Variants in MDGA2 observed in about 807,000 individuals in gnomAD.
MDGA2 encodes the protein MAM domain containing glycosylphosphatidylinositol anchor 2, also known as MAM domain-containing glycosylphosphatidylinositol anchor protein 2.
In MDGA2, 40 loss-of-function variants were observed where a neutral mutation model predicts 117.8. The observed-to-expected ratio is 0.34, with a 90% CI of 0.26 to 0.44. MDGA2 has a LOEUF of 0.44. MDGA2 is among the 20% of genes least tolerant of loss of function. The pLI, the probability that MDGA2 is intolerant of heterozygous loss-of-function variation, is 1.00. For missense variants in MDGA2, 1,123 were observed against 1,250.6 expected, an observed-to-expected ratio of 0.90 and a Z score of 1.54; for synonymous variants, 452 against 439.0, an observed-to-expected ratio of 1.03 and a Z score of -0.37.
intron 1 of MDGA2, among the ~76,000 whole-genome samples, chr14:47,649,285 G>T (rs529369313): frequency 6.6e-6 from 1 of 152,082 alleles, no homozygotes; most frequent in African/African-American, 2.4e-5. Flanking sequence ...TTTATCTATA[G>T]ACAAATTTAA....
At chr14:47,446,114 A>C (rs2138559117) in intron 1 of MDGA2, among the ~76,000 whole-genome samples, 1 of 152,234 alleles carries the variant, frequency 6.6e-6, no homozygotes, top group Admixed American at 6.5e-5. Flanking sequence ...CACTTCCTTA[A>C]AAAAATTAAG....
At chr14:47,425,376 TACAA>T (rs758317686) in intron 1 of MDGA2, among the ~76,000 whole-genome samples, 1 of 152,256 alleles carries the variant, frequency 6.6e-6, no homozygotes, top group African/African-American at 2.4e-5. Flanking sequence ...GAGATACATG[TACAA>T]ACAGTTACCT....
intron 1 of MDGA2, among the ~76,000 whole-genome samples, chr14:47,335,745 T>TATATATATATATATATATACAC: frequency 1.0e-5 from 1 of 95,558 alleles, no homozygotes; most frequent in Non-Finnish European, 2.2e-5. Flanking sequence ...TATATATATA[T>TATATATATATATATATATACAC]ATACATACAT....
chr14:47,668,746 C>G (rs1898022145), intron 1 of MDGA2, among the ~76,000 whole-genome samples: 1 of 152,164 alleles, frequency 6.6e-6, no homozygotes, highest in African/African-American at 2.4e-5. Flanking sequence ...CTTTGCATGT[C>G]CTTCCAAAAT....
At chr14:47,196,346 T>A (rs1299297978) in intron 3 of MDGA2, among the ~76,000 whole-genome samples, 1 of 152,080 alleles carries the variant, frequency 6.6e-6, no homozygotes, top group East Asian at 1.9e-4. Flanking sequence ...GATGAAGAAA[T>A]CATTATTTCC....
chr14:47,061,610 G>T, intron 6 of MDGA2, 32 bp from the exon 7 acceptor site: 1 of 1,535,298 alleles, frequency 6.5e-7, no homozygotes, highest in Non-Finnish European at 8.9e-7. Context: ...AGGAGTTAGT[G>T]TTACTTTCAT....
chr14:47,491,684 T>C (rs1894172405), intron 1 of MDGA2, among the ~76,000 whole-genome samples: 1 of 152,152 alleles, frequency 6.6e-6, no homozygotes, highest in African/African-American at 2.4e-5. Flanking sequence ...GAAATAATTA[T>C]CTTTTTTTCT....
chr14:47,429,417 T>C (rs1451025037), intron 1 of MDGA2, among the ~76,000 whole-genome samples: 1 of 152,058 alleles, frequency 6.6e-6, no homozygotes, highest in Non-Finnish European at 1.5e-5. Flanking sequence ...CAGGTAATGG[T>C]TTTGTATCTT....
chr14:47,589,420 C>A (rs1390390041), intron 1 of MDGA2, among the ~76,000 whole-genome samples: 1 of 151,914 alleles, frequency 6.6e-6, no homozygotes, highest in Non-Finnish European at 1.5e-5. Context: ...TGTCCCAGTA[C>A]CATTATTAGT....
Position 47,061,388 on chromosome 14 carries a change from A to T in MDGA2, c.1386T>A (p.Pro462=), listed in dbSNP as rs371073165. The T allele has an allele frequency of 1.9e-5, 30 of 1,613,574 alleles. No homozygotes were observed. The highest frequency in any genetic ancestry group is 2.2e-5 in the Non-Finnish European group (26 of 1,179,688). Residue 462 remains proline, a synonymous_variant, in exon 7 of 17, where the codon CCT becomes CCA. Coordinates refer to ENST00000399232, the MANE Select transcript of MDGA2 (RefSeq NM_001113498.3). The part of the protein sequence containing the change: ...SERMVITQTD[P]DVSPGTTNLD... ...AGTTTGTTGTTCCCGGAGAGACATC[A>T]GGATCAGTCTGTGTAATGACCATCC...
At chr14:47,317,856 A>G (rs958172348) in intron 1 of MDGA2, among the ~76,000 whole-genome samples, 2 of 152,080 alleles carry the variant, frequency 1.3e-5, no homozygotes, top group African/African-American at 4.8e-5. Flanking sequence ...CCCTGTGCCC[A>G]GCTGTCTACT....
At chr14:47,206,644 C>T (rs1404651627) in intron 3 of MDGA2, among the ~76,000 whole-genome samples, 1 of 151,956 alleles carries the variant, frequency 6.6e-6, no homozygotes, top group African/African-American at 2.4e-5. Context: ...AATCCCAGCA[C>T]ATTAGGACGT....
intron 7 of MDGA2, among the ~76,000 whole-genome samples, chr14:47,059,763 A>C (rs1458014874): frequency 6.6e-6 from 1 of 152,058 alleles, no homozygotes; most frequent in Non-Finnish European, 1.5e-5. Context: ...AACAAAAAAA[A>C]CCCAGCCAAA....
In MDGA2 at chr14:47,502,987, C is replaced by A. The variant is rs1257038754; in HGVS notation, c.280+171530G>T. Among the ~76,000 whole-genome samples, 4 of 152,152 alleles carry A rather than the reference C, an allele frequency of 2.6e-5. No individual in the cohort carries two copies. The East Asian group carries it at 7.8e-4, about 29-fold the overall frequency. ...AGCCACTGTGTCCAGCTAAACGATA[C>A]TTTTTAATATATATTATGTTATTAA... On this transcript the variant is annotated intron_variant, in intron 1 of 16. Transcript: ENST00000399232.
chr14:47,348,247 C>T (rs1208863885), intron 1 of MDGA2, among the ~76,000 whole-genome samples: 1 of 148,538 alleles, frequency 6.7e-6, no homozygotes, highest in Non-Finnish European at 1.5e-5. Context: ...GATACAGTCT[C>T]ACTCTGGAGC....
chr14:47,018,733 G>GAAA (rs60442845), intron 8 of MDGA2, among the ~76,000 whole-genome samples: 20 of 38,654 alleles, frequency 5.2e-4, no homozygotes, highest in African/African-American at 1.2e-3. Context: ...CCATTTTACT[G>GAAA]AAAAAAAAAA....
chr14:47,385,079 C>T (rs1462068864), intron 1 of MDGA2, among the ~76,000 whole-genome samples: 1 of 151,958 alleles, frequency 6.6e-6, no homozygotes. Context: ...AGTCTATGAG[C>T]CCTAGTTGAA....
intron 10 of MDGA2, among the ~76,000 whole-genome samples, chr14:46,895,940 A>G (rs558218827): frequency 8.5e-5 from 13 of 152,212 alleles, no homozygotes; most frequent in African/African-American, 3.1e-4. Context: ...TACTGTCCAT[A>G]GTACGTATTG....
intron 1 of MDGA2, among the ~76,000 whole-genome samples, chr14:47,611,729 G>A (rs1015229373): frequency 6.6e-6 from 1 of 152,182 alleles, no homozygotes; most frequent in Non-Finnish European, 1.5e-5. Context: ...CTGATGTTAC[G>A]TTTGAGATGT....
Sources: allele counts gnomAD v4.1 joint callset (sites outside exome capture counted in the v4.1 genomes callset), GRCh38; gene constraint gnomAD v4.1.1; transcripts MANE v1.5; gene names NCBI Gene and HGNC (gene_info 2026-07-23, HGNC 2026-07-21).